The following C1QTNF3 variants were observed in gnomAD, a reference collection of about 807,000 sequenced individuals.
C1QTNF3 encodes the protein complement C1q tumor necrosis factor-related protein 3.
Under a neutral mutation model 32.6 loss-of-function variants are expected in C1QTNF3, and 26 were observed. The observed-to-expected ratio is 0.80, with a 90% CI of 0.58 to 1.11. C1QTNF3 has a LOEUF of 1.11. Among genes scored for constraint, C1QTNF3 ranks in the 50% least tolerant of loss-of-function variants. The pLI is 0.00. For synonymous variants in C1QTNF3, 155 were observed against 146.0 expected (o/e 1.06, Z -0.44); for missense variants, 362 against 398.2 (o/e 0.91, Z 0.77).
chr5:34,147,354 G>T, the C1QTNF3 span, among the ~76,000 whole-genome samples: 3 of 152,166 alleles, frequency 2.0e-5, no homozygotes, highest in Non-Finnish European at 4.4e-5. Flanking sequence ...ATGGACACAT[G>T]TACCTAAATG....
chr5:34,142,720 C>G, the C1QTNF3 span, among the ~76,000 whole-genome samples: 2 of 152,182 alleles, frequency 1.3e-5, no homozygotes, highest in Non-Finnish European at 2.9e-5. Flanking sequence ...AGAACTCAGC[C>G]ACAAATAAAG....
At chr5:34,051,989 A>G in the C1QTNF3 span, among the ~76,000 whole-genome samples, 1,025 of 152,202 alleles carry the variant, frequency 6.7e-3, 11 homozygotes, top group South Asian at 0.045. Context: ...CCTTTATAAA[A>G]CATGTACTCA....
chr5:34,176,002 A>T, the C1QTNF3 span: 16 of 722,646 alleles, frequency 2.2e-5, no homozygotes, highest in African/African-American at 1.1e-4. Flanking sequence ...GCAGAATTGT[A>T]AATGTTAGAT....
chr5:34,157,638 T>C, the C1QTNF3 span, among the ~76,000 whole-genome samples: 14 of 152,170 alleles, frequency 9.2e-5, no homozygotes, highest in Admixed American at 2.6e-4. Context: ...GATGTGACTA[T>C]AGAAGAATGA....
chr5:34,207,949 G>A, the C1QTNF3 span, among the ~76,000 whole-genome samples: 10 of 152,116 alleles, frequency 6.6e-5, no homozygotes, highest in South Asian at 2.1e-4. Context: ...CACCGTGCCC[G>A]GCTAATTTTT....
chr5:34,061,972 A>G, the C1QTNF3 span, among the ~76,000 whole-genome samples: 10 of 152,176 alleles, frequency 6.6e-5, no homozygotes, highest in African/African-American at 2.4e-4. Flanking sequence ...AATTTTCCAA[A>G]CTTTTATGCT....
chr5:34,214,179 GTAAT>G, the C1QTNF3 span, among the ~76,000 whole-genome samples: 1 of 151,916 alleles, frequency 6.6e-6, no homozygotes, highest in Non-Finnish European at 1.5e-5. Context: ...CTTTGATAAA[GTAAT>G]TAAGAAGTAA....
chr5:34,230,132 G>A, the C1QTNF3 span, among the ~76,000 whole-genome samples: 31 of 152,194 alleles, frequency 2.0e-4, no homozygotes, highest in African/African-American at 6.5e-4. Flanking sequence ...TAAGTCACCC[G>A]GTCTATGGTA....
the C1QTNF3 span, among the ~76,000 whole-genome samples, chr5:34,091,501 A>G: frequency 3.3e-5 from 5 of 151,422 alleles, no homozygotes; most frequent in South Asian, 4.1e-4. Context: ...CAAACTCTCA[A>G]AAAAACTAAT....
chr5:34,129,668 C>CT, the C1QTNF3 span, among the ~76,000 whole-genome samples: 1 of 151,830 alleles, frequency 6.6e-6, no homozygotes, highest in Non-Finnish European at 1.5e-5. Flanking sequence ...GAAAATGCAT[C>CT]TACTGAGGCT....
intron 2 of C1QTNF3, among the ~76,000 whole-genome samples, chr5:34,034,383 AC>A (rs1228512151): frequency 1.3e-5 from 2 of 152,242 alleles, no homozygotes; most frequent in Admixed American, 1.3e-4. Context: ...AAAACACATC[AC>A]TTTTATAACT....
the C1QTNF3 span, among the ~76,000 whole-genome samples, chr5:34,134,869 CAG>C: frequency 6.6e-6 from 1 of 152,194 alleles, no homozygotes; most frequent in Non-Finnish European, 1.5e-5. Context: ...CATCTGCAAA[CAG>C]GGACAATTTG....
the C1QTNF3 span, among the ~76,000 whole-genome samples, chr5:34,173,340 A>C: frequency 6.6e-6 from 1 of 151,184 alleles, no homozygotes; most frequent in Non-Finnish European, 1.5e-5. Context: ...GTATAATATT[A>C]GTAATAAACA....
chr5:34,114,924 C>T, the C1QTNF3 span, among the ~76,000 whole-genome samples: 3 of 152,100 alleles, frequency 2.0e-5, no homozygotes. Flanking sequence ...AGTTTCTGGT[C>T]CCATTAATCA....
chr5:34,034,982 A>T (rs2112114873), intron 2 of C1QTNF3, among the ~76,000 whole-genome samples: 1 of 152,316 alleles, frequency 6.6e-6, no homozygotes, highest in East Asian at 1.9e-4. Flanking sequence ...AGACCCTGAG[A>T]TGAGGTCCTA....
At chr5:34,154,777 TATCTCTGGGCATGAACA>T in the C1QTNF3 span, among the ~76,000 whole-genome samples, 2 of 152,266 alleles carry the variant, frequency 1.3e-5, no homozygotes, top group Admixed American at 1.3e-4. Flanking sequence ...GAAAGTGAAC[TATCTCTGGGCATGAACA>T]ATCTCTGGGC....
intron 1 of C1QTNF3, among the ~76,000 whole-genome samples, chr5:34,041,283 G>A (rs1256700806): frequency 6.6e-6 from 1 of 152,206 alleles, no homozygotes; most frequent in African/African-American, 2.4e-5. Context: ...AATATCTCCT[G>A]TTGGTGGTTT....
the C1QTNF3 span, among the ~76,000 whole-genome samples, chr5:34,102,149 C>A: frequency 6.6e-6 from 1 of 151,188 alleles, no homozygotes; most frequent in Admixed American, 6.6e-5. Flanking sequence ...CACACAAAAA[C>A]AACCTATCAG....
the C1QTNF3 span, among the ~76,000 whole-genome samples, chr5:34,140,326 G>C: frequency 6.6e-6 from 1 of 152,132 alleles, no homozygotes; most frequent in Non-Finnish European, 1.5e-5. Context: ...TTTTTCTAAA[G>C]AATACTGTCC....
Sources: gnomAD v4.1 joint callset for allele counts (sites outside exome capture counted in the v4.1 genomes callset) on GRCh38, gnomAD v4.1.1 for gene constraint, MANE v1.5 for transcripts, NCBI Gene and HGNC (gene_info 2026-07-23, HGNC 2026-07-21) for gene names.